The following SEMA6D variants were observed in gnomAD, a reference collection of about 807,000 sequenced individuals.
SEMA6D encodes semaphorin-6D.
A neutral mutation model predicts 106.6 loss-of-function variants in SEMA6D; 35 were observed. The ratio of observed to expected loss-of-function variants is 0.33; its 90% CI spans 0.25 to 0.44. The LOEUF is 0.44. Ranked by LOEUF, SEMA6D falls within the 20% of genes least tolerant of loss-of-function variation. SEMA6D has a pLI of 1.00. For synonymous variants in SEMA6D, 499 were observed against 487.7 expected (o/e 1.02, Z -0.31); for missense variants, 1,185 against 1,345.9 (o/e 0.88, Z 1.87).
At chr15:47,210,717 A>T (rs1285871104) in intron 1 of SEMA6D, among the ~76,000 whole-genome samples, 1 of 147,448 alleles carries the variant, frequency 6.8e-6, no homozygotes, top group Admixed American at 6.9e-5. Flanking sequence ...GTGAGCCGAG[A>T]TAGCACCACT....
chr15:47,269,340 G>T (rs548690752), intron 1 of SEMA6D, among the ~76,000 whole-genome samples: 67 of 149,974 alleles, frequency 4.5e-4, no homozygotes, highest in Admixed American at 8.0e-4. Context: ...TTCTTATTTA[G>T]AATTTAAATA....
At chr15:47,285,035 G>A (rs571530718) in intron 1 of SEMA6D, among the ~76,000 whole-genome samples, 14 of 152,300 alleles carry the variant, frequency 9.2e-5, no homozygotes, top group Non-Finnish European at 1.9e-4. Flanking sequence ...TCCTTTGCCT[G>A]TTGACATTAC....
At chr15:47,494,478 A>G (rs2043573671) in intron 3 of SEMA6D, among the ~76,000 whole-genome samples, 1 of 151,742 alleles carries the variant, frequency 6.6e-6, no homozygotes, top group Non-Finnish European at 1.5e-5. Flanking sequence ...GAACATTCCA[A>G]AGGTTTTTCT....
chr15:47,613,631 C>G (rs568904214), intron 4 of SEMA6D, among the ~76,000 whole-genome samples: 2 of 152,078 alleles, frequency 1.3e-5, no homozygotes, highest in African/African-American at 4.8e-5. Flanking sequence ...CATTCAGAGA[C>G]CCCCAAAACT....
chr15:47,190,796 T>G (rs1318018195), intron 1 of SEMA6D, among the ~76,000 whole-genome samples: 1 of 152,170 alleles, frequency 6.6e-6, no homozygotes, highest in Non-Finnish European at 1.5e-5. Flanking sequence ...GCCTGCCAAG[T>G]TGGTTAAATG....
intron 3 of SEMA6D, among the ~76,000 whole-genome samples, chr15:47,550,198 C>A (rs59990286): frequency 6.6e-6 from 1 of 152,018 alleles, no homozygotes. Flanking sequence ...GTTTCCTTTA[C>A]TTCCAAGTTT....
At chr15:47,526,162 C>T (rs542866201) in intron 3 of SEMA6D, among the ~76,000 whole-genome samples, 1 of 152,328 alleles carries the variant, frequency 6.6e-6, no homozygotes, top group Admixed American at 6.5e-5. Flanking sequence ...TCCTTCCCTG[C>T]TACCAGCTGG....
chr15:47,581,272 A>G (rs75751186), intron 3 of SEMA6D: 6,613 of 439,502 alleles, frequency 0.015, 213 homozygotes, highest in South Asian at 0.06. Context: ...TTTTCTCCAT[A>G]AGTCCTGTGG....
At position 47,552,871 on chromosome 15, in the gene SEMA6D, TATATATATAAATATATATAA is replaced by T. The variant is rs1408250148; in HGVS notation, c.-86-47984_-86-47965del. Among the ~76,000 whole-genome samples, 3 of 54,324 alleles carry T rather than the reference TATATATATAAATATATATAA, an allele frequency of 5.5e-5. 1 individual carries two copies. The highest frequency in any genetic ancestry group is 1.1e-3 in the South Asian group (2 of 1,814). 35.6% of individuals were successfully genotyped at this position (54,324 alleles called of 152,430 possible). A position where few individuals can be genotyped will look rare whatever the true frequency, so the allele number is the denominator to read the frequency against. Reference sequence around the variant, plus strand: ...ATATATAAATATATATATATTTTTATATATATATAAATATATATAAATATATATATATATAAATATATATA... The same window carrying T: ...ATATATAAATATATATATATTTTTATATATATATATATATAAATATATATA... On this transcript the variant is annotated intron_variant, in intron 3 of 19. Transcript: ENST00000558014.
chr15:47,701,548 A>G (rs1188371055), intron 4 of SEMA6D, among the ~76,000 whole-genome samples: 2 of 152,230 alleles, frequency 1.3e-5, no homozygotes, highest in African/African-American at 4.8e-5. Flanking sequence ...ATTACATGAG[A>G]TAACCCATAT....
intron 2 of SEMA6D, among the ~76,000 whole-genome samples, chr15:47,435,979 A>G (rs192265330): frequency 6.6e-6 from 1 of 152,176 alleles, no homozygotes; most frequent in East Asian, 1.9e-4. Context: ...AGAAATCCAC[A>G]CTTAATGAAC....
chr15:47,210,365 A>C (rs1344944633), intron 1 of SEMA6D, among the ~76,000 whole-genome samples: 2 of 152,174 alleles, frequency 1.3e-5, no homozygotes, highest in Admixed American at 1.3e-4. Context: ...CTTTCTTAGA[A>C]GATACAAGCT....
chr15:47,703,008 G>A (rs773753927), intron 4 of SEMA6D, among the ~76,000 whole-genome samples: 4 of 152,176 alleles, frequency 2.6e-5, no homozygotes, highest in Non-Finnish European at 5.9e-5. Context: ...TAAATGCAGT[G>A]TGTAGGTGTT....
chr15:47,222,317 C>T (rs1163464626), intron 1 of SEMA6D, among the ~76,000 whole-genome samples: 3 of 152,148 alleles, frequency 2.0e-5, no homozygotes, highest in Non-Finnish European at 4.4e-5. Context: ...TTCCTGAGTC[C>T]CACTGGGTAC....
chr15:47,502,443 C>A (rs12440247), intron 3 of SEMA6D, among the ~76,000 whole-genome samples: 3 of 152,064 alleles, frequency 2.0e-5, no homozygotes, highest in African/African-American at 7.3e-5. Context: ...GGTCCTGCCC[C>A]CTAAATGAAA....
chr15:47,205,320 A>G (rs1164174815), intron 1 of SEMA6D, among the ~76,000 whole-genome samples: 2 of 152,170 alleles, frequency 1.3e-5, no homozygotes, highest in Non-Finnish European at 2.9e-5. Context: ...GTCCTTCTAT[A>G]TATTTCTTTC....
chr15:47,740,247 G>A (rs550195272), intron 1 of SEMA6D, among the ~76,000 whole-genome samples: 10 of 152,294 alleles, frequency 6.6e-5, no homozygotes, highest in Non-Finnish European at 8.8e-5. Context: ...ATGGCCGGGC[G>A]TGGTGACTCA....
chr15:47,587,503 A>C (rs562148884), intron 3 of SEMA6D, among the ~76,000 whole-genome samples: 16 of 152,368 alleles, frequency 1.1e-4, no homozygotes, highest in African/African-American at 3.6e-4. Context: ...GGTTAGTTAT[A>C]GCACAAATAA....
intron 1 of SEMA6D, among the ~76,000 whole-genome samples, chr15:47,294,785 A>G (rs1411539549): frequency 6.6e-6 from 1 of 152,164 alleles, no homozygotes; most frequent in Non-Finnish European, 1.5e-5. Flanking sequence ...AAGGCTACCT[A>G]TAAGGTGAAA....
Sources: allele counts gnomAD v4.1 joint callset (sites outside exome capture counted in the v4.1 genomes callset), GRCh38; gene constraint gnomAD v4.1.1; transcripts MANE v1.5; gene names NCBI Gene and HGNC (gene_info 2026-07-23, HGNC 2026-07-21).